Variants in ZNF487 observed in about 807,000 individuals in gnomAD.
The protein encoded by ZNF487 is zinc finger protein 487, also known as KRAB domain only 1.
In ZNF487, 4 loss-of-function variants were observed where a neutral mutation model predicts 3.0. The ratio of observed to expected loss-of-function variants is 1.35; its 90% CI spans 0.66 to 3.08. The LOEUF is 3.08. Among genes scored for constraint, ZNF487 ranks in the 30% most tolerant of loss-of-function variants. The pLI is 0.01. For synonymous variants in ZNF487, 55 were observed against 34.6 expected (o/e 1.59, Z -2.06); for missense variants, 146 against 98.7 (o/e 1.48, Z -2.03).
chr10:43,436,988 C>G (rs1222675421), upstream of ZNF487: 4 of 434,316 alleles, frequency 9.2e-6, no homozygotes, highest in Admixed American at 2.5e-5. Context: ...GTGGGATGCC[C>G]GTGGCATAGG....
chr10:43,500,991 G>C, the ZNF487 span, among the ~76,000 whole-genome samples: 1 of 152,114 alleles, frequency 6.6e-6, no homozygotes, highest in African/African-American at 2.4e-5. Context: ...GACATGTTAG[G>C]CAACTTCATT....
chr10:43,489,352 T>G, the ZNF487 span, among the ~76,000 whole-genome samples: 1 of 152,148 alleles, frequency 6.6e-6, no homozygotes, highest in South Asian at 2.1e-4. Flanking sequence ...TATTTATTTA[T>G]TTATTTTTAT....
intron 1 of ZNF487, among the ~76,000 whole-genome samples, chr10:43,462,844 A>T (rs1359443093): frequency 1.3e-5 from 2 of 150,822 alleles, no homozygotes; most frequent in African/African-American, 4.9e-5. Context: ...ATCTTAGCTC[A>T]TTGTAACCTT....
chr10:43,437,057 G>C (rs1176494198), upstream of ZNF487: 4 of 317,186 alleles, frequency 1.3e-5, no homozygotes, highest in Non-Finnish European at 2.5e-5. Flanking sequence ...AGGGAGCGCT[G>C]GACTGGCGGG....
At chr10:43,436,954 G>C (rs974746051), upstream of ZNF487, 1 of 458,312 alleles carries the variant, frequency 2.2e-6, no homozygotes. Context: ...CCGGCCAGCG[G>C]ACAAGAGGGC....
chr10:43,491,738 C>T, the ZNF487 span, among the ~76,000 whole-genome samples: 1 of 151,676 alleles, frequency 6.6e-6, no homozygotes, highest in Non-Finnish European at 1.5e-5. Context: ...GAATTTGGGA[C>T]CAATATCTCT....
intron 1 of ZNF487, among the ~76,000 whole-genome samples, chr10:43,443,381 T>G (rs1327020791): frequency 6.7e-6 from 1 of 148,796 alleles, no homozygotes; most frequent in Non-Finnish European, 1.5e-5. Context: ...TGTTTTTGTT[T>G]TTTTTTTTTT....
At chr10:43,479,365 G>T (rs1463713510) in intron 3 of ZNF487, among the ~76,000 whole-genome samples, 1 of 151,842 alleles carries the variant, frequency 6.6e-6, no homozygotes, top group Non-Finnish European at 1.5e-5. Context: ...CTATTTTAGT[G>T]ATCTATTTTT....
At chr10:43,469,236 A>AC (rs527722123) in intron 1 of ZNF487, among the ~76,000 whole-genome samples, 1 of 151,860 alleles carries the variant, frequency 6.6e-6, no homozygotes, top group Non-Finnish European at 1.5e-5. Flanking sequence ...TGGCTCTTTC[A>AC]CCCAGGCTGG....
chr10:43,442,540 T>A (rs1839654229), intron 1 of ZNF487, among the ~76,000 whole-genome samples: 1 of 152,216 alleles, frequency 6.6e-6, no homozygotes. Flanking sequence ...ACCCTCCGGG[T>A]TGAAATGATT....
the ZNF487 span, among the ~76,000 whole-genome samples, chr10:43,508,624 C>T: frequency 2.6e-5 from 4 of 151,978 alleles, no homozygotes; most frequent in Admixed American, 6.6e-5. Flanking sequence ...GCCTGGCCAA[C>T]ATGGCAAAAT....
chr10:43,522,381 T>C, the ZNF487 span, among the ~76,000 whole-genome samples: 1 of 152,016 alleles, frequency 6.6e-6, no homozygotes, highest in East Asian at 1.9e-4. Context: ...CTTGCTAGTA[T>C]GTGTCCACTG....
At chr10:43,438,242 G>C (rs1839455818) in intron 1 of ZNF487, among the ~76,000 whole-genome samples, 1 of 152,106 alleles carries the variant, frequency 6.6e-6, no homozygotes, top group Non-Finnish European at 1.5e-5. Context: ...CTGGAGTGCA[G>C]TGGCGTGATT....
intron 1 of ZNF487, among the ~76,000 whole-genome samples, chr10:43,441,782 T>G (rs2132032564): frequency 6.6e-6 from 1 of 152,188 alleles, no homozygotes; most frequent in East Asian, 1.9e-4. Flanking sequence ...AGACGGGGTT[T>G]CACCATGTTG....
chr10:43,478,786 T>TA (rs1841197282), intron 3 of ZNF487, among the ~76,000 whole-genome samples: 1 of 151,904 alleles, frequency 6.6e-6, no homozygotes, highest in Non-Finnish European at 1.5e-5. Context: ...ACATGAAACC[T>TA]TAGAATATAA....
intron 1 of ZNF487, among the ~76,000 whole-genome samples, chr10:43,439,680 G>C (rs778804091): frequency 6.6e-6 from 1 of 151,944 alleles, no homozygotes; most frequent in Non-Finnish European, 1.5e-5. Context: ...CTCTAGCCTG[G>C]GTGACAGAGT....
At chr10:43,510,571 G>A in the ZNF487 span, among the ~76,000 whole-genome samples, 13 of 152,034 alleles carry the variant, frequency 8.6e-5, no homozygotes, top group East Asian at 2.3e-3. Flanking sequence ...TTTTTGAGAA[G>A]GAGTCTCACT....
intron 1 of ZNF487, among the ~76,000 whole-genome samples, chr10:43,444,929 AT>A (rs1839745093): frequency 6.6e-6 from 1 of 151,950 alleles, no homozygotes; most frequent in Non-Finnish European, 1.5e-5. Flanking sequence ...CTCTTTGAAT[AT>A]TTTTTATGCC....
chr10:43,500,746 C>T, the ZNF487 span, among the ~76,000 whole-genome samples: 7 of 151,572 alleles, frequency 4.6e-5, no homozygotes, highest in African/African-American at 1.5e-4. Flanking sequence ...TGGACTCAAG[C>T]GATTCTCTCA....
Sources: allele counts gnomAD v4.1 joint callset (sites outside exome capture counted in the v4.1 genomes callset), GRCh38; gene constraint gnomAD v4.1.1; transcripts MANE v1.5; gene names NCBI Gene and HGNC (gene_info 2026-07-23, HGNC 2026-07-21).